Variants in CCDC57 observed in about 807,000 individuals in gnomAD.
CCDC57 encodes coiled-coil domain-containing protein 57.
Under a neutral mutation model 118.9 loss-of-function variants are expected in CCDC57, and 118 were observed. That is an observed-to-expected ratio of 0.99 (90% CI 0.86 to 1.16). CCDC57 has a LOEUF of 1.16. Among genes scored for constraint, CCDC57 ranks in the 50% most tolerant of loss-of-function variants. The pLI is 0.00. For missense variants in CCDC57, 1,300 were observed against 1,320.7 expected (o/e 0.98, Z 0.24); for synonymous variants, 527 against 532.9 (o/e 0.99, Z 0.15).
rs372552012 is a variant in CCDC57 at position 82,198,338 on chromosome 17, G to A, written c.492C>T (p.Asp164=). The A allele has an allele frequency of 9.0e-4, 1,448 of 1,613,282 alleles. 3 individuals carry two copies. Among genetic ancestry groups the A allele is most frequent in the Non-Finnish European group, 1.1e-3 (1,283 of 1,179,464 alleles). ...CCTGTCTCTGCAGAGCAAGCTCACC[G>A]TCGAGCTCCTCAAGTTTTCTCTCCA... Residue 164 remains aspartate, a synonymous_variant, in exon 4 of 20, where the codon GAC becomes GAT. Coordinates refer to ENST00000665763, the Ensembl canonical transcript of CCDC57.
intron 19 of CCDC57, among the ~76,000 whole-genome samples, chr17:82,114,554 G>A (rs993181802): frequency 2.0e-5 from 3 of 152,206 alleles, no homozygotes; most frequent in Non-Finnish European, 2.9e-5. Flanking sequence ...GTGTGTCCTC[G>A]GCGCCCACTG....
At chr17:82,144,853 C>T (rs907982803) in intron 16 of CCDC57, among the ~76,000 whole-genome samples, 3 of 151,924 alleles carry the variant, frequency 2.0e-5, no homozygotes, top group African/African-American at 7.3e-5. Context: ...GATCATTTCC[C>T]GATGCATTAA....
intron 11 of CCDC57, among the ~76,000 whole-genome samples, chr17:82,176,850 T>G (rs1158223260): frequency 2.0e-5 from 3 of 149,630 alleles, no homozygotes; most frequent in East Asian, 1.9e-4. Flanking sequence ...GATGAGGGTT[T>G]TTTTTTTTTT....
At chr17:82,171,565 G>C in intron 13 of CCDC57, 136 bp downstream of exon 12, 1 of 849,632 alleles carries the variant, frequency 1.2e-6, no homozygotes, top group Non-Finnish European at 1.8e-6. Context: ...GAGCACAAGG[G>C]GCTGCTGGGC....
intron 2 of CCDC57, among the ~76,000 whole-genome samples, chr17:82,204,607 C>T (rs1001162653): frequency 1.3e-5 from 2 of 152,148 alleles, no homozygotes; most frequent in Non-Finnish European, 2.9e-5. Flanking sequence ...CACGGTGAAA[C>T]CCCGTCTCTA....
intron 9 of CCDC57, 92 bp downstream of exon 8, chr17:82,183,682 A>G: frequency 1.7e-6 from 2 of 1,197,456 alleles, no homozygotes; most frequent in Non-Finnish European, 2.3e-6. Context: ...GAGGCCAGGG[A>G]CTCAATCTGT....
intron 8 of CCDC57, among the ~76,000 whole-genome samples, chr17:82,186,477 G>C (rs1225952667): frequency 6.6e-6 from 1 of 152,144 alleles, no homozygotes; most frequent in African/African-American, 2.4e-5. Context: ...ACCGACCGCA[G>C]AGGCTTTAGG....
intron 13 of CCDC57, among the ~76,000 whole-genome samples, chr17:82,163,757 C>T (rs1183152844): frequency 1.3e-5 from 2 of 152,170 alleles, no homozygotes; most frequent in East Asian, 3.9e-4. Context: ...AAGATAACAA[C>T]AATACTACCT....
chr17:82,150,407 G>A (rs569640255), intron 16 of CCDC57, among the ~76,000 whole-genome samples: 5 of 128,116 alleles, frequency 3.9e-5, no homozygotes, highest in East Asian at 2.5e-4. Flanking sequence ...AGAACCAGGC[G>A]CACACCCAGA....
chr17:82,123,422 C>T (rs376631817), intron 19 of CCDC57, among the ~76,000 whole-genome samples: 7 of 151,654 alleles, frequency 4.6e-5, no homozygotes, highest in Non-Finnish European at 8.8e-5. Flanking sequence ...AGCCACCGCC[C>T]GGCCTATAGC....
intron 19 of CCDC57, among the ~76,000 whole-genome samples, chr17:82,102,656 G>A (rs1284346442): frequency 1.3e-5 from 2 of 152,174 alleles, no homozygotes; most frequent in Non-Finnish European, 2.9e-5. Flanking sequence ...GCCGAGGTGG[G>A]TGGATCACCT....
intron 11 of CCDC57, among the ~76,000 whole-genome samples, chr17:82,177,107 T>A (rs1040846861): frequency 2.6e-5 from 4 of 151,974 alleles, no homozygotes; most frequent in Non-Finnish European, 5.9e-5. Flanking sequence ...TAGCCGGGCG[T>A]GGTGGCTCAT....
intron 16 of CCDC57, among the ~76,000 whole-genome samples, chr17:82,141,473 A>C (rs1389336066): frequency 6.6e-6 from 1 of 152,232 alleles, no homozygotes; most frequent in Non-Finnish European, 1.5e-5. Context: ...GGCGTGAGCC[A>C]CCGCGACTGC....
At chr17:82,133,047 C>T (rs1001310588) in intron 17 of CCDC57, among the ~76,000 whole-genome samples, 10 of 152,144 alleles carry the variant, frequency 6.6e-5, no homozygotes, top group African/African-American at 1.2e-4. Context: ...CGTGAGCCAC[C>T]GCACCTGGCC....
chr17:82,198,786 C>G (rs920250572), intron 3 of CCDC57, among the ~76,000 whole-genome samples: 8 of 151,546 alleles, frequency 5.3e-5, no homozygotes, highest in African/African-American at 1.9e-4. Context: ...GTCAGGAGAT[C>G]GAGAGCATCC....
intron 3 of CCDC57, 30 bp downstream of exon 2, chr17:82,201,508 C>T: frequency 1.3e-6 from 2 of 1,548,828 alleles, no homozygotes; most frequent in Non-Finnish European, 1.7e-6. Context: ...CCAGGCACTG[C>T]ACAGGAGGGC....
At chr17:82,139,641 C>T (rs1363818127) in intron 16 of CCDC57, among the ~76,000 whole-genome samples, 16 of 146,582 alleles carry the variant, frequency 1.1e-4, no homozygotes, top group Non-Finnish European at 2.4e-4. Flanking sequence ...CAGGCGTAAG[C>T]CACCACGCCC....
chr17:82,139,150 T>C (rs1306246582), intron 16 of CCDC57, among the ~76,000 whole-genome samples: 1 of 152,254 alleles, frequency 6.6e-6, no homozygotes, highest in Non-Finnish European at 1.5e-5. Flanking sequence ...ATTCTGTTTC[T>C]GGCATCTTTG....
chr17:82,116,221 T>A (rs1486638453), intron 19 of CCDC57, among the ~76,000 whole-genome samples: 1 of 150,740 alleles, frequency 6.6e-6, no homozygotes, highest in Non-Finnish European at 1.5e-5. Flanking sequence ...GGACACCCTT[T>A]AAAGTTGTGA....
Sources: allele counts gnomAD v4.1 joint callset (sites outside exome capture counted in the v4.1 genomes callset), GRCh38; gene constraint gnomAD v4.1.1; transcripts MANE v1.5; gene names NCBI Gene and HGNC (gene_info 2026-07-23, HGNC 2026-07-21).